Variants in RANBP2 observed in about 807,000 individuals in gnomAD.
RANBP2 encodes the protein E3 SUMO-protein ligase RanBP2.
In RANBP2, 57 loss-of-function variants were observed where a neutral mutation model predicts 303.6. The ratio of observed to expected loss-of-function variants is 0.19; its 90% confidence interval spans 0.15 to 0.23. The LOEUF is 0.23. Ranked by LOEUF, RANBP2 falls within the 10% of genes least tolerant of loss-of-function variation. RANBP2 has a pLI of 1.00. For synonymous variants in RANBP2, 1,167 were observed against 1,301.5 expected, an observed-to-expected ratio of 0.90 and a Z score of 2.23; for missense variants, 3,138 against 3,780.8, an observed-to-expected ratio of 0.83 and a Z score of 4.46.
chr2:109,237,579 A>C, the RANBP2 span, among the ~76,000 whole-genome samples: 1 of 152,156 alleles, frequency 6.6e-6, no homozygotes, highest in Admixed American at 6.5e-5. Context: ...AAACTTTCTT[A>C]AAACATTATG....
the RANBP2 span, among the ~76,000 whole-genome samples, chr2:109,022,926 C>T: frequency 6.6e-6 from 1 of 152,040 alleles, no homozygotes; most frequent in Non-Finnish European, 1.5e-5. Flanking sequence ...TGGTGAGTGC[C>T]TGTAATCCCA....
chr2:109,570,815 C>T, the RANBP2 span, among the ~76,000 whole-genome samples: 1 of 152,138 alleles, frequency 6.6e-6, no homozygotes, highest in Non-Finnish European at 1.5e-5. Context: ...GGCCACCACA[C>T]CCGGCCTGTA....
the RANBP2 span, among the ~76,000 whole-genome samples, chr2:109,167,428 G>T: frequency 6.6e-6 from 1 of 152,176 alleles, no homozygotes; most frequent in African/African-American, 2.4e-5. Context: ...TTATATCCTG[G>T]CAAGGGGTGA....
At chr2:109,143,958 C>T in the RANBP2 span, among the ~76,000 whole-genome samples, 1 of 152,156 alleles carries the variant, frequency 6.6e-6, no homozygotes, top group African/African-American at 2.4e-5. Flanking sequence ...CACAGAAAGG[C>T]AAATACTGTG....
the RANBP2 span, among the ~76,000 whole-genome samples, chr2:109,055,125 A>G: frequency 6.6e-6 from 1 of 152,068 alleles, no homozygotes; most frequent in African/African-American, 2.4e-5. Flanking sequence ...TGATGGTTTT[A>G]ACTTGCATTT....
chr2:109,704,725 C>T, the RANBP2 span, among the ~76,000 whole-genome samples: 8 of 151,808 alleles, frequency 5.3e-5, no homozygotes, highest in Non-Finnish European at 1.0e-4. Context: ...GTGGCAGGCA[C>T]CTGTAATCCC....
At chr2:109,113,186 T>C in the RANBP2 span, among the ~76,000 whole-genome samples, 2 of 152,172 alleles carry the variant, frequency 1.3e-5, no homozygotes, top group Non-Finnish European at 2.9e-5. Flanking sequence ...CATTGGTAGC[T>C]TGATGGGGAT....
At chr2:109,271,625 C>T in the RANBP2 span, among the ~76,000 whole-genome samples, 2 of 152,308 alleles carry the variant, frequency 1.3e-5, no homozygotes, top group East Asian at 1.9e-4. Context: ...GGTGAGGCCC[C>T]GTGTGGTTCC....
intron 6 of RANBP2, among the ~76,000 whole-genome samples, chr2:108,738,820 G>A (rs1695836184): frequency 6.6e-6 from 1 of 150,626 alleles, no homozygotes; most frequent in African/African-American, 2.4e-5. Flanking sequence ...AGTAGAGAAG[G>A]GGTTTCACCA....
the RANBP2 span, among the ~76,000 whole-genome samples, chr2:108,958,516 CA>C: frequency 0.015 from 2,356 of 152,132 alleles, 55 homozygotes; most frequent in African/African-American, 0.052. Context: ...GGGGGCAGAA[CA>C]GGGGGGCATG....
intron 4 of RANBP2, among the ~76,000 whole-genome samples, chr2:108,732,927 G>A (rs750247916): frequency 4.6e-5 from 7 of 152,120 alleles, no homozygotes; most frequent in East Asian, 3.9e-4. Flanking sequence ...AGGTTCAAGC[G>A]ATTCTCCTGC....
the RANBP2 span, among the ~76,000 whole-genome samples, chr2:109,266,915 C>T: frequency 6.6e-6 from 1 of 152,188 alleles, no homozygotes; most frequent in African/African-American, 2.4e-5. Flanking sequence ...TGTCCCTGAG[C>T]AGGAGAGGAT....
chr2:109,233,442 C>G, the RANBP2 span, among the ~76,000 whole-genome samples: 147 of 152,342 alleles, frequency 9.6e-4, 1 homozygote, highest in African/African-American at 3.3e-3. Context: ...TGTCTTCCCT[C>G]CTCTGCTGCA....
the RANBP2 span, chr2:109,615,410 C>T: frequency 1.6e-5 from 26 of 1,613,084 alleles, no homozygotes; most frequent in Non-Finnish European, 2.1e-5. Flanking sequence ...CTTGCCTGCA[C>T]TGGGCCGCCA....
the RANBP2 span, among the ~76,000 whole-genome samples, chr2:109,320,203 G>A: frequency 2.3e-4 from 35 of 152,224 alleles, no homozygotes; most frequent in Non-Finnish European, 4.0e-4. Context: ...GCCTCTGCTC[G>A]GCTCATTGAC....
chr2:108,730,917 A>G, intron 3 of RANBP2, 32 bp downstream of exon 3: 4 of 1,611,154 alleles, frequency 2.5e-6, no homozygotes, highest in African/African-American at 1.3e-5. Flanking sequence ...TAGCCTTTGC[A>G]TAGCCAAACA....
chr2:109,115,822 C>G, the RANBP2 span, among the ~76,000 whole-genome samples: 1 of 151,972 alleles, frequency 6.6e-6, no homozygotes, highest in Non-Finnish European at 1.5e-5. Context: ...TTAGGGCAGG[C>G]CTGGTGGTGA....
At position 108,719,568 on chromosome 2, in the gene RANBP2, G is replaced by T. The variant is rs546903442; in HGVS notation, c.-39G>T. The T allele has an allele frequency of 1.3e-6, 2 of 1,584,612 alleles. No individual in the cohort carries two copies. Among genetic ancestry groups the T allele is most frequent in the Non-Finnish European group, 1.7e-6 (2 of 1,167,282 alleles). On this transcript the variant is annotated 5_prime_UTR_variant, in exon 1 of 29. Coordinates refer to ENST00000283195, the MANE Select transcript of RANBP2 (RefSeq NM_006267.5). Reference sequence around the variant, plus strand: ...AGTGGCGACTGCTGCGGGCCTGAGCGCTGGTCTCACGCGCCTCGGGAGCCA... The same window carrying T: ...AGTGGCGACTGCTGCGGGCCTGAGCTCTGGTCTCACGCGCCTCGGGAGCCA...
At chr2:109,533,327 G>A in the RANBP2 span, among the ~76,000 whole-genome samples, 4 of 152,356 alleles carry the variant, frequency 2.6e-5, no homozygotes, top group South Asian at 2.1e-4. Context: ...ACAGCAGGAC[G>A]TCTGTTTATC....
Sources: gnomAD v4.1 joint callset for allele counts (sites outside exome capture counted in the v4.1 genomes callset) on GRCh38, gnomAD v4.1.1 for gene constraint, MANE v1.5 for transcripts, NCBI Gene and HGNC (gene_info 2026-07-23, HGNC 2026-07-21) for gene names.